PROM1: variants seen among roughly 807,000 people sequenced by gnomAD.
PROM1 encodes the protein prominin-1.
In PROM1, 105 loss-of-function variants were observed where a neutral mutation model predicts 116.9. The ratio of observed to expected loss-of-function variants is 0.90; its 90% CI spans 0.77 to 1.06. PROM1 has a LOEUF of 1.06. Among genes scored for constraint, PROM1 ranks in the 50% least tolerant of loss-of-function variants. The probability of loss-of-function intolerance (pLI) is 0.00; values close to 1 mark genes in which losing one functional copy is unlikely to be tolerated. For missense variants in PROM1, 1,122 were observed against 1,045.2 expected, an observed-to-expected ratio of 1.07 and a Z score of -1.01; for synonymous variants, 393 against 387.0, an observed-to-expected ratio of 1.02 and a Z score of -0.18.
intron 2 of PROM1, among the ~76,000 whole-genome samples, chr4:16,068,007 G>C (rs781697336): frequency 6.6e-5 from 10 of 152,178 alleles, no homozygotes; most frequent in Non-Finnish European, 1.0e-4. Flanking sequence ...CTGACAAGCT[G>C]GTTCTCCACC....
At chr4:15,974,848 G>A (rs1464916887) in intron 26 of PROM1, among the ~76,000 whole-genome samples, 1 of 152,160 alleles carries the variant, frequency 6.6e-6, no homozygotes, top group Non-Finnish European at 1.5e-5. Flanking sequence ...GTCCTGAAAT[G>A]CAGGCAACAC....
intron 23 of PROM1, among the ~76,000 whole-genome samples, chr4:15,982,704 C>T (rs1014951992): frequency 1.3e-5 from 2 of 152,052 alleles, no homozygotes; most frequent in Middle Eastern, 3.2e-3. Context: ...CATAGAGAGA[C>T]GTCAATTCAG....
intron 2 of PROM1, among the ~76,000 whole-genome samples, chr4:16,057,387 A>T (rs1268375261): frequency 6.6e-6 from 1 of 152,266 alleles, no homozygotes; most frequent in African/African-American, 2.4e-5. Context: ...TAATTTCATC[A>T]GTGACAGCAT....
chr4:16,083,323 C>G (rs554112788), intron 1 of PROM1: 2 of 152,228 alleles, frequency 1.3e-5, no homozygotes, highest in Admixed American at 6.5e-5. Flanking sequence ...TCCGGAACCA[C>G]GGCCGCCGGC....
chr4:16,063,879 T>C (rs1014593783), intron 2 of PROM1, among the ~76,000 whole-genome samples: 1 of 151,814 alleles, frequency 6.6e-6, no homozygotes, highest in Non-Finnish European at 1.5e-5. Context: ...AAGAAGGGGG[T>C]AGGAGGAGTG....
At chr4:16,025,373 A>C (rs1358296129) in intron 5 of PROM1, 61 bp from the exon 6 acceptor site, 1 of 1,592,690 alleles carries the variant, frequency 6.3e-7, no homozygotes, top group Non-Finnish European at 8.6e-7. Flanking sequence ...TTCTTTGTCC[A>C]GGTCCAGGCA....
chr4:15,975,768 A>G (rs1270187508), intron 26 of PROM1, among the ~76,000 whole-genome samples: 1 of 152,230 alleles, frequency 6.6e-6, no homozygotes, highest in East Asian at 1.9e-4. Context: ...CTGCCTGTAG[A>G]CGGGCTGAAC....
At chr4:16,004,905 CCCTT>C (rs147785330) in intron 13 of PROM1, among the ~76,000 whole-genome samples, 17,777 of 114,122 alleles carry the variant, frequency 0.16, 2,114 homozygotes, top group African/African-American at 0.31. Context: ...CTCTCTCTCT[CCCTT>C]CCTTCCTTCC....
intron 23 of PROM1, among the ~76,000 whole-genome samples, chr4:15,981,384 C>A (rs538465387): frequency 1.3e-5 from 2 of 151,818 alleles, no homozygotes; most frequent in South Asian, 4.2e-4. Flanking sequence ...TTCTGGCCAA[C>A]GTAGTGAAAC....
chr4:16,055,449 T>A (rs1232142741), intron 2 of PROM1: 2 of 455,964 alleles, frequency 4.4e-6, no homozygotes, highest in African/African-American at 2.0e-5. Context: ...TGTGTTCTCA[T>A]CTACAAAATG....
At position 15,992,244 on chromosome 4, in the gene PROM1, A is replaced by G. The variant is rs368288279; in HGVS notation, c.1911+4T>C. The G allele has an allele frequency of 7.4e-6, 12 of 1,613,744 alleles. No individual in the cohort carries two copies. Among genetic ancestry groups the G allele is most frequent in the Non-Finnish European group, 1.0e-5 (12 of 1,179,848 alleles). On this transcript the variant is annotated splice_donor_region_variant and intron_variant, in intron 17 of 27. Coordinates refer to ENST00000447510, the MANE Select transcript of PROM1 (RefSeq NM_006017.3). Reference sequence around the variant, plus strand: ...AGGATCAAGCATGAACACATGCGCCATACCTGAGCCAAGTAGCTGTCATAA... The same window carrying G: ...AGGATCAAGCATGAACACATGCGCCGTACCTGAGCCAAGTAGCTGTCATAA...
intron 1 of PROM1, chr4:16,079,194 C>T (rs928469148): frequency 2.0e-5 from 3 of 152,210 alleles, no homozygotes; most frequent in Admixed American, 1.3e-4. Context: ...GGTAATTCCA[C>T]CAAACCTCAG....
Position 16,018,495 on chromosome 4 carries a change from A to C in PROM1, c.830T>G (p.Leu277Trp), listed in dbSNP as rs1253350111. The C allele has an allele frequency of 6.2e-7, 1 of 1,612,630 alleles. No individual in the cohort carries two copies. Among genetic ancestry groups the C allele is most frequent in the South Asian group, 1.1e-5 (1 of 90,918 alleles). The change falls in exon 9 of 28, where the codon TTG becomes TGG. Residue 277 changes from leucine to tryptophan, a missense_variant. Coordinates refer to ENST00000447510, the MANE Select transcript of PROM1 (RefSeq NM_006017.3). ...TGTACTTTGTTGGTGCAAGCTCTTC[A>C]AGGTGCTGTTCATGTTCTCCAACGC... Reference protein sequence around the residue: ...KEALENMNSTLKSLHQQSTQL... With the variant: ...KEALENMNSTWKSLHQQSTQL...
intron 11 of PROM1, among the ~76,000 whole-genome samples, chr4:16,009,776 C>A (rs1726421755): frequency 6.6e-6 from 1 of 151,834 alleles, no homozygotes; most frequent in African/African-American, 2.4e-5. Context: ...CCCATCTCTA[C>A]TAAAAATACA....
intron 1 of PROM1, chr4:16,082,757 T>A (rs1163404464): frequency 6.6e-6 from 1 of 152,144 alleles, no homozygotes; most frequent in Non-Finnish European, 1.5e-5. Flanking sequence ...GGGGGCGATC[T>A]TGCCAGAGAG....
At chr4:15,979,074 ACTC>A (rs1227907758) in intron 26 of PROM1, among the ~76,000 whole-genome samples, 5 of 152,116 alleles carry the variant, frequency 3.3e-5, no homozygotes, top group African/African-American at 1.2e-4. Flanking sequence ...AACTGTAACT[ACTC>A]AGGTTATTTG....
Position 16,075,774 on chromosome 4 carries a change from C to T in PROM1, c.133G>A (p.Asp45Asn), listed in dbSNP as rs2149586099. 1 of 1,613,822 alleles carries T rather than the reference C, an allele frequency of 6.2e-7. No homozygotes were observed. Among genetic ancestry groups the T allele is most frequent in the East Asian group, 2.2e-5 (1 of 44,868 alleles). The change falls in exon 2 of 28, where the codon GAC (aspartate) becomes AAC (asparagine). Residue 45 changes from aspartate to asparagine, a missense_variant. By Grantham distance (23) the Asp-to-Asn change is conservative (BLOSUM62 1). Transcript: ENST00000447510. ...CCAATGGGTCCAGCTTTATGGGAGT[C>T]TTGGGTCTCATAATTTGTTGCAGGC... ...ELPATNYETQ[D>N]SHKAGPIGIL...
intron 11 of PROM1, among the ~76,000 whole-genome samples, chr4:16,009,879 C>G (rs777308278): frequency 2.9e-5 from 4 of 140,124 alleles, no homozygotes; most frequent in Non-Finnish European, 6.0e-5. Flanking sequence ...TTCAGTGAGC[C>G]AAGATTGTGC....
intron 13 of PROM1, among the ~76,000 whole-genome samples, chr4:16,004,827 C>T (rs114426229): frequency 1.6e-3 from 203 of 123,732 alleles, no homozygotes; most frequent in African/African-American, 4.5e-3. Flanking sequence ...TTCTTTCTTT[C>T]TTTTTCTTCC....
Sources: allele counts gnomAD v4.1 joint callset (sites outside exome capture counted in the v4.1 genomes callset), GRCh38; gene constraint gnomAD v4.1.1; transcripts MANE v1.5; gene names NCBI Gene and HGNC (gene_info 2026-07-23, HGNC 2026-07-21).